The following PDGFRA variants were observed in gnomAD, a reference collection of about 807,000 sequenced individuals.
PDGFRA encodes the protein platelet-derived growth factor receptor alpha.
PDGFRA carries 25 observed loss-of-function variants against 121.5 expected under a neutral mutation model. The observed-to-expected ratio is 0.21, with a 90% CI of 0.15 to 0.29. The LOEUF is 0.29. PDGFRA is among the 10% of genes least tolerant of loss of function. The pLI, the probability that PDGFRA is intolerant of heterozygous loss-of-function variation, is 1.00. For missense variants in PDGFRA, 1,008 were observed against 1,345.1 expected, an observed-to-expected ratio of 0.75 and a Z score of 3.92; for synonymous variants, 463 against 494.8, an observed-to-expected ratio of 0.94 and a Z score of 0.85.
intron 16 of PDGFRA, among the ~76,000 whole-genome samples, chr4:54,283,266 G>A (rs919602156): frequency 1.3e-5 from 2 of 152,176 alleles, no homozygotes; most frequent in African/African-American, 2.4e-5. Flanking sequence ...GCTTCTGTCT[G>A]GACACCCTGG....
intron 7 of PDGFRA, among the ~76,000 whole-genome samples, chr4:54,270,049 C>T (rs1723256532): frequency 6.6e-6 from 1 of 152,056 alleles, no homozygotes; most frequent in Admixed American, 6.6e-5. Context: ...CTCCTGTCCC[C>T]AGCTGCCCAG....
intron 22 of PDGFRA, among the ~76,000 whole-genome samples, chr4:54,292,120 A>G (rs772585910): frequency 2.0e-5 from 3 of 152,216 alleles, no homozygotes; most frequent in Non-Finnish European, 4.4e-5. Context: ...CGATTCCCCA[A>G]AGACCTAGAG....
chr4:54,250,814 C>G (rs1722015957), intron 1 of PDGFRA, among the ~76,000 whole-genome samples: 1 of 152,090 alleles, frequency 6.6e-6, no homozygotes, highest in African/African-American at 2.4e-5. Context: ...ACTGTAATCC[C>G]AGCACTTTGG....
In PDGFRA at chr4:54,274,578, G is replaced by A. The variant is rs1265135270; in HGVS notation, c.1606G>A (p.Val536Met). 1.9e-6 allele frequency: 3 copies of A among 1,613,856 alleles called. No homozygotes were observed. The South Asian group carries it at 3.3e-5, about 18-fold the overall frequency. Residue 536 changes from valine to methionine, a missense_variant, in exon 11 of 23, where the codon GTG becomes ATG. Transcript: ENST00000257290. The stretch of plus-strand genomic sequence containing the variant: ...GGCTGCTGCAGTCCTGGTGCTGTTG[G>A]TGATTGTGATCATCTCACTTATTGT... ...TVAAAVLVLLVIVIISLIVLV... is the reference protein window; with the variant it reads ...TVAAAVLVLLMIVIISLIVLV...
chr4:54,280,164 C>T, intron 15 of PDGFRA, 152 bp from the exon 16 acceptor site: 1 of 634,610 alleles, frequency 1.6e-6, no homozygotes, highest in African/African-American at 1.8e-5. Context: ...TTGACTAGAT[C>T]ACCTCATGTG....
Position 54,274,963 on chromosome 4 carries a change from A to G in PDGFRA, c.1776A>G (p.Gly592=), listed in dbSNP as rs2110300766. 6.2e-7 allele frequency: 1 copy of G among 1,614,096 alleles called. No individual in the cohort carries two copies. The highest frequency in any genetic ancestry group is 1.6e-4 in the Middle Eastern group (1 of 6,062). The change falls in exon 12 of 23, where the codon GGA becomes GGG. Residue 592 remains glycine (G), a synonymous_variant. Transcript: ENST00000257290. ...YDSRWEFPRD[G]LVLGRVLGSG... is the part of the protein sequence containing the mutation. ...CAAGATGGGAGTTTCCAAGAGATGGACTAGTGCTTGGTAAGTTCCATGGGG... is the reference window on the plus strand; with the variant it reads ...CAAGATGGGAGTTTCCAAGAGATGGGCTAGTGCTTGGTAAGTTCCATGGGG...
At chr4:54,255,808 CT>C (rs1393280146) in intron 1 of PDGFRA, among the ~76,000 whole-genome samples, 36 of 148,748 alleles carry the variant, frequency 2.4e-4, no homozygotes, top group East Asian at 3.9e-4. Context: ...CCCTTCCCTC[CT>C]TTTTTTTTTA....
chr4:54,253,839 C>T (rs1232501162), intron 1 of PDGFRA, among the ~76,000 whole-genome samples: 3 of 152,046 alleles, frequency 2.0e-5, no homozygotes, highest in African/African-American at 7.2e-5. Context: ...AGTGTGCCAC[C>T]ATGCCCGGCT....
Position 54,297,065 on chromosome 4 carries a change from C to T in PDGFRA, c.*1793C>T, listed in dbSNP as rs544565005. ...TTATGCAATTCAGTGTTCCAAGTCT[C>T]TGTGTAACCAGCTCAGTGTTTTGGT... is the stretch of plus-strand genomic sequence containing the variant. On this transcript the variant is annotated 3_prime_UTR_variant, in exon 23 of 23. Coordinates refer to ENST00000257290, the MANE Select transcript of PDGFRA (RefSeq NM_006206.6). The T allele has an allele frequency of 4.3e-6, 1 of 233,110 alleles. No individual in the cohort carries two copies. Among genetic ancestry groups the T allele is most frequent in the African/African-American group, 2.2e-5 (1 of 45,350 alleles). 14.4% of individuals were successfully genotyped at this position (233,110 alleles called of 1,614,324 possible).
In PDGFRA at chr4:54,265,201, G is replaced by A. The variant is rs1281722272; in HGVS notation, c.759+152G>A. 24 of 728,046 alleles carry A rather than the reference G, an allele frequency of 3.3e-5. No homozygotes were observed. The South Asian group carries it at 3.5e-4, about 11-fold the overall frequency. The allele number at this position is 728,046 out of a possible 1,614,324, so 45.1% of individuals were successfully genotyped here. ...TGGGATGAACACATTTGATTAAATGGCCTTTAGGACTCCTTGATCAATGGG... is the reference window on the plus strand; with the variant it reads ...TGGGATGAACACATTTGATTAAATGACCTTTAGGACTCCTTGATCAATGGG... On this transcript the variant is annotated intron_variant, in intron 5 of 22. Coordinates refer to ENST00000257290, the MANE Select transcript of PDGFRA (RefSeq NM_006206.6).
intron 16 of PDGFRA, among the ~76,000 whole-genome samples, chr4:54,284,059 C>G (rs1438687523): frequency 3.3e-5 from 5 of 152,252 alleles, no homozygotes; most frequent in African/African-American, 1.2e-4. Context: ...CAAGTTCAAA[C>G]TTCCACATAT....
At chr4:54,266,332 C>T (rs963454332) in intron 5 of PDGFRA, among the ~76,000 whole-genome samples, 1 of 151,886 alleles carries the variant, frequency 6.6e-6, no homozygotes, top group Non-Finnish European at 1.5e-5. Flanking sequence ...GGCTACTTCC[C>T]AGAGCATCAC....
At chr4:54,247,303 T>C (rs1721737115) in intron 1 of PDGFRA, among the ~76,000 whole-genome samples, 1 of 152,152 alleles carries the variant, frequency 6.6e-6, no homozygotes, top group East Asian at 1.9e-4. Flanking sequence ...TGGTGAACAT[T>C]GATGCAAAAA....
intron 2 of PDGFRA, among the ~76,000 whole-genome samples, chr4:54,260,101 G>A (rs922565864): frequency 3.3e-5 from 5 of 152,060 alleles, no homozygotes; most frequent in African/African-American, 4.8e-5. Flanking sequence ...TTTGAGCTTC[G>A]AAGATGAACT....
At chr4:54,265,612 C>T (rs1722989326) in intron 5 of PDGFRA, among the ~76,000 whole-genome samples, 1 of 152,122 alleles carries the variant, frequency 6.6e-6, no homozygotes, top group African/African-American at 2.4e-5. Flanking sequence ...TTTGCTCAAT[C>T]CCAAGCACTG....
At chr4:54,276,345 T>A (rs1451945923) in intron 12 of PDGFRA, among the ~76,000 whole-genome samples, 2 of 152,086 alleles carry the variant, frequency 1.3e-5, no homozygotes, top group African/African-American at 2.4e-5. Context: ...GTAATAGTAG[T>A]AATAGTAGAA....
chr4:54,240,053 A>C (rs893058520), intron 1 of PDGFRA: 1 of 422,080 alleles, frequency 2.4e-6, no homozygotes, highest in Non-Finnish European at 4.8e-6. Context: ...GGGTTTTGCC[A>C]TGCTGCCTAG....
Position 54,294,993 on chromosome 4 carries a change from G to C in PDGFRA, c.3123-132G>C, listed in dbSNP as rs987592223. On this transcript the variant is annotated intron_variant, in intron 22 of 22. Transcript: ENST00000257290. ...TGGCCTACCACAGCATGTCAGGCCTGGGGGCAGAATCTTGCCATACTGTGC... is the reference window on the plus strand; with the variant it reads ...TGGCCTACCACAGCATGTCAGGCCTCGGGGCAGAATCTTGCCATACTGTGC... 3.7e-5 allele frequency: 33 copies of C among 887,420 alleles called. No individual in the cohort carries two copies. In the East Asian group the frequency reaches 7.5e-4, roughly 20 times the overall value. The allele number at this position is 887,420 out of a possible 1,614,324, so 55.0% of individuals were successfully genotyped here.
chr4:54,267,337 A>G lies in PDGFRA; in HGVS notation c.808A>G (p.Lys270Glu), dbSNP rs1263572484. The G allele has an allele frequency of 6.2e-7, 1 of 1,614,060 alleles. No individual in the cohort carries two copies. Among genetic ancestry groups the G allele is most frequent in the Admixed American group, 1.7e-5 (1 of 60,004 alleles). The change falls in exon 6 of 23, where the codon AAA (lysine) becomes GAA (glutamate). Residue 270 changes from lysine to glutamate, a missense_variant. Coordinates refer to ENST00000257290, the MANE Select transcript of PDGFRA (RefSeq NM_006206.6). ...GGAAGAAATCAAAGTCCCATCCATC[A>G]AATTGGTGTACACTTTGACGGTCCC... ...MLEEIKVPSI[K>E]LVYTLTVPEA...
Sources: allele counts gnomAD v4.1 joint callset (sites outside exome capture counted in the v4.1 genomes callset), GRCh38; gene constraint gnomAD v4.1.1; transcripts MANE v1.5; gene names NCBI Gene and HGNC (gene_info 2026-07-23, HGNC 2026-07-21).